CSNK1G2: variants seen among roughly 807,000 people sequenced by gnomAD.
The protein encoded by CSNK1G2 is casein kinase 1 gamma 2.
A neutral mutation model predicts 48.0 loss-of-function variants in CSNK1G2; 11 were observed. The observed-to-expected ratio is 0.23, with a 90% confidence interval of 0.14 to 0.38. CSNK1G2 has a LOEUF of 0.38. CSNK1G2 is among the 10% of genes least tolerant of loss of function. The probability of loss-of-function intolerance (pLI) is 1.00; values close to 1 mark genes in which losing one functional copy is unlikely to be tolerated. For synonymous variants in CSNK1G2, 337 were observed against 254.1 expected (o/e 1.33, Z -3.10); for missense variants, 446 against 595.5 (o/e 0.75, Z 2.61).
chr19:1,951,206 C>A (rs1053626673), intron 1 of CSNK1G2, among the ~76,000 whole-genome samples: 1 of 144,976 alleles, frequency 6.9e-6, no homozygotes, highest in Non-Finnish European at 1.5e-5. Context: ...TTGAGACCAT[C>A]CTGGCTCTAC....
In CSNK1G2 at chr19:1,979,190, C is replaced by A; in HGVS notation, c.710C>A (p.Ala237Glu). ...KEQSRRDDLE[A>E]LGHMFMYFLR... ...CAGAGCCGCCGCGACGACCTGGAGG[C>A]GCTGGGCCACATGTTCATGTACTTC... Residue 237 changes from alanine (A) to glutamate (E), a missense_variant, in exon 7 of 12, where the codon GCG (alanine) becomes GAG (glutamate). Physicochemically the swap from Ala to Glu is moderately radical, Grantham distance 107. This residue lies in a region of CSNK1G2 where 258 missense variants were observed against 415.9 expected (regional missense o/e 0.62). Coordinates refer to ENST00000255641, the MANE Select transcript of CSNK1G2 (RefSeq NM_001319.7). The A allele has an allele frequency of 6.5e-7, 1 of 1,538,124 alleles. No homozygotes were observed. Among genetic ancestry groups the A allele is most frequent in the Admixed American group, 2.0e-5 (1 of 49,742 alleles).
intron 1 of CSNK1G2, among the ~76,000 whole-genome samples, chr19:1,962,329 A>G (rs1332030779): frequency 2.0e-5 from 3 of 148,326 alleles, no homozygotes; most frequent in East Asian, 2.0e-4. Flanking sequence ...AGACTCTGTC[A>G]ACAACAACAA....
intron 1 of CSNK1G2, among the ~76,000 whole-genome samples, chr19:1,960,416 G>A (rs1216136542): frequency 6.6e-6 from 1 of 152,224 alleles, no homozygotes; most frequent in African/African-American, 2.4e-5. Context: ...CAGGCAGTGT[G>A]GCGCGAGCAG....
Position 1,969,572 on chromosome 19 carries a change from A to C in CSNK1G2, c.-201A>C, listed in dbSNP as rs2015494767. On this transcript the variant is annotated 5_prime_UTR_variant, in exon 2 of 12. Transcript: ENST00000255641. ...AGAATGTCTCCTGCCCCCGAGAGCG[A>C]CCCCGAGGCCACTGAGAAGAGCAGC... 5 of 404,966 alleles carry C rather than the reference A, an allele frequency of 1.2e-5. No homozygotes were observed. The highest frequency in any genetic ancestry group is 2.2e-5 in the Non-Finnish European group (5 of 230,412). 25.1% of individuals were successfully genotyped at this position (404,966 alleles called of 1,614,324 possible). A position where few individuals can be genotyped will look rare whatever the true frequency, so the allele number is the denominator to read the frequency against.
chr19:1,979,632 G>C lies in CSNK1G2; in HGVS notation c.991G>C (p.Gly331Arg), dbSNP rs769746203. Residue 331 changes from glycine (G) to arginine (R), a missense_variant, in exon 9 of 12, where the codon GGG becomes CGG. Around this residue, in one of 2 missense-constraint regions of CSNK1G2, gnomAD observed 188 missense variants for 179.6 expected, o/e 1.05. Coordinates refer to ENST00000255641, the MANE Select transcript of CSNK1G2 (RefSeq NM_001319.7). ...FVFDYEYDWA[G>R]KPLPTPIGTV... ...GTTCGACTATGAGTACGACTGGGCCGGGAAGCCCCTGGTAGGTGGGGGGGT... is the reference window on the plus strand; with the variant it reads ...GTTCGACTATGAGTACGACTGGGCCCGGAAGCCCCTGGTAGGTGGGGGGGT... The C allele has an allele frequency of 1.2e-6, 2 of 1,604,058 alleles. No homozygotes were observed. The highest frequency in any genetic ancestry group is 1.7e-6 in the Non-Finnish European group (2 of 1,179,828).
rs573113111 is a variant in CSNK1G2 at position 1,977,412 on chromosome 19, T to C, written c.188-893T>C. On this transcript the variant is annotated intron_variant, in intron 2 of 11. Transcript: ENST00000255641. ...CACAGCTGCCCCTGCAGAGCGCCTC[T>C]GTGTTAAGGGCTGGCCGCCTCCTTC... is the stretch of plus-strand genomic sequence containing the variant. Among the ~76,000 whole-genome samples, 30 of 152,266 alleles carry C rather than the reference T, an allele frequency of 2.0e-4. No individual in the cohort carries two copies. In the South Asian group the frequency reaches 5.8e-3, roughly 29 times the overall value.
chr19:1,975,323 C>T (rs1172661555), intron 2 of CSNK1G2: 2 of 985,506 alleles, frequency 2.0e-6, no homozygotes, highest in Non-Finnish European at 2.4e-6. Context: ...TTGTCCTCCT[C>T]AGCCTGGGGG....
chr19:1,979,431 T>TGGGG, intron 8 of CSNK1G2, 28 bp downstream of exon 8: 11 of 937,958 alleles, frequency 1.2e-5, no homozygotes, highest in South Asian at 1.4e-5. Context: ...CCCCGCCCTG[T>TGGGG]GCCCCCCACC....
intron 1 of CSNK1G2, among the ~76,000 whole-genome samples, chr19:1,958,935 G>A (rs79762622): frequency 0.12 from 12,368 of 104,496 alleles, 866 homozygotes; most frequent in South Asian, 0.19. Context: ...CACAGCAGCC[G>A]GTATTGAGTG....
In CSNK1G2 at chr19:1,978,241, G is replaced by C; in HGVS notation, c.188-64G>C. Reference sequence around the variant, plus strand: ...CCTCCTGCCTCCTGCCTCGGGGGTGGGCTGGGGAGGTCGGGGCTAGGTGGG... The same window carrying C: ...CCTCCTGCCTCCTGCCTCGGGGGTGCGCTGGGGAGGTCGGGGCTAGGTGGG... On this transcript the variant is annotated intron_variant, in intron 2 of 11. Transcript: ENST00000255641. This position sits in a 1 kb window ranked among gnomAD's most constrained non-coding sequence, Gnocchi z 7.3. 6.3e-7 allele frequency: 1 copy of C among 1,577,696 alleles called. No individual in the cohort carries two copies. The highest frequency in any genetic ancestry group is 8.7e-7 in the Non-Finnish European group (1 of 1,149,690).
chr19:1,941,596 A>AC (rs1429342233), intron 1 of CSNK1G2, among the ~76,000 whole-genome samples, 178 bp downstream of exon 1: 36 of 105,842 alleles, frequency 3.4e-4, no homozygotes, highest in Middle Eastern at 9.6e-3. Context: ...CCGCAAGCTG[A>AC]CCCCCACACT....
intron 2 of CSNK1G2, among the ~76,000 whole-genome samples, chr19:1,972,670 T>C (rs535407032): frequency 6.6e-6 from 1 of 152,344 alleles, no homozygotes; most frequent in Non-Finnish European, 1.5e-5. Context: ...TTGCCCAGCC[T>C]GGAGTGCAGT....
At chr19:1,944,696 GT>G (rs2014489957) in intron 1 of CSNK1G2, among the ~76,000 whole-genome samples, 1 of 108,250 alleles carries the variant, frequency 9.2e-6, no homozygotes. Flanking sequence ...GCCTGGCTGG[GT>G]GGGGGGGGGT....
intron 1 of CSNK1G2, among the ~76,000 whole-genome samples, chr19:1,952,115 G>A (rs560295460): frequency 7.2e-5 from 11 of 152,294 alleles, no homozygotes; most frequent in African/African-American, 2.4e-4. Flanking sequence ...TGTCTTTTTC[G>A]GGGATAGCCC....
chr19:1,980,950 A>T lies in CSNK1G2; in HGVS notation c.*747A>T, dbSNP rs2015969471. On this transcript the variant is annotated 3_prime_UTR_variant, in exon 12 of 12. Transcript: ENST00000255641. Reference sequence around the variant, plus strand: ...CCGGAGGCTGCGCCCCGGCGCCTGGAACCCGAGGTGGGAGGACCGGTTGGT... The same window carrying T: ...CCGGAGGCTGCGCCCCGGCGCCTGGTACCCGAGGTGGGAGGACCGGTTGGT... 6.6e-6 allele frequency: 1 copy of T among 152,326 alleles called. No individual in the cohort carries two copies. Among genetic ancestry groups the T allele is most frequent in the Non-Finnish European group, 1.5e-5 (1 of 68,082 alleles). The allele number at this position is 152,326 out of a possible 1,614,324, so 9.4% of individuals were successfully genotyped here.
At chr19:1,963,052 A>G (rs888182829) in intron 1 of CSNK1G2, among the ~76,000 whole-genome samples, 2 of 152,074 alleles carry the variant, frequency 1.3e-5, no homozygotes, top group Non-Finnish European at 2.9e-5. Flanking sequence ...GCCAGGCTCA[A>G]TGAGACACTC....
intron 1 of CSNK1G2, among the ~76,000 whole-genome samples, chr19:1,949,644 C>G (rs376182463): frequency 6.6e-6 from 1 of 152,230 alleles, no homozygotes; most frequent in African/African-American, 2.4e-5. Flanking sequence ...GCGGTGGAAC[C>G]GCTGGTCACA....
intron 1 of CSNK1G2, among the ~76,000 whole-genome samples, chr19:1,951,866 G>C (rs2014775741): frequency 6.6e-6 from 1 of 151,960 alleles, no homozygotes; most frequent in Non-Finnish European, 1.5e-5. Context: ...ATTTTTAGTA[G>C]AGACGGGGTT....
rs115802254 is a variant in CSNK1G2, at chr19:1,978,580, G to A, written c.299-22G>A. On this transcript the variant is annotated intron_variant, in intron 4 of 11. Coordinates refer to ENST00000255641, the MANE Select transcript of CSNK1G2 (RefSeq NM_001319.7). This position sits in a 1 kb window ranked among gnomAD's most constrained non-coding sequence, Gnocchi z 7.3. ...GGGAGGGGGCTGCCGCCGCACGCCC[G>A]TGCGTCTGTCCTCCGCCGCAGAGGG... is the stretch of plus-strand genomic sequence containing the variant. 21 of 1,579,204 alleles carry A rather than the reference G, an allele frequency of 1.3e-5. No homozygotes were observed. The highest frequency in any genetic ancestry group is 1.3e-4 in the South Asian group (11 of 87,436).
Sources: allele counts gnomAD v4.1 joint callset (sites outside exome capture counted in the v4.1 genomes callset), GRCh38; gene constraint gnomAD v4.1.1; regional missense constraint gnomAD v4.1.1; non-coding constraint Gnocchi (gnomAD v3.1); transcripts MANE v1.5; gene names NCBI Gene and HGNC (gene_info 2026-07-23, HGNC 2026-07-21).